The following SGK1 variants were observed in gnomAD, a reference collection of about 807,000 sequenced individuals.
SGK1 encodes serum/glucocorticoid regulated kinase 1.
A neutral mutation model predicts 64.2 loss-of-function variants in SGK1; 26 were observed. That is an observed-to-expected ratio of 0.40 (90% CI 0.30 to 0.56). The LOEUF (loss-of-function observed/expected upper bound fraction) is 0.56. Among genes scored for constraint, SGK1 ranks in the 20% least tolerant of loss-of-function variants. The pLI, the probability that SGK1 is intolerant of heterozygous loss-of-function variation, is 0.38. For synonymous variants in SGK1, 265 were observed against 239.7 expected, an observed-to-expected ratio of 1.11 and a Z score of -0.98; for missense variants, 519 against 645.6, an observed-to-expected ratio of 0.80 and a Z score of 2.12.
intron 1 of SGK1, among the ~76,000 whole-genome samples, chr6:134,303,705 G>C (rs765804232): frequency 1.3e-5 from 2 of 151,574 alleles, no homozygotes; most frequent in Non-Finnish European, 2.9e-5. Context: ...CATGACTTGA[G>C]CCAAGGAGGT....
At chr6:134,188,803 G>T (rs1168440591) in intron 3 of SGK1, among the ~76,000 whole-genome samples, 1 of 151,794 alleles carries the variant, frequency 6.6e-6, no homozygotes, top group African/African-American at 2.4e-5. Context: ...TGTGATCATG[G>T]CTCACTGCAG....
intron 11 of SGK1, 97 bp from the exon 12 acceptor site, chr6:134,171,275 G>A: frequency 1.7e-6 from 2 of 1,179,250 alleles, no homozygotes; most frequent in East Asian, 2.3e-5. Flanking sequence ...TAAATATTAG[G>A]CTCGATTTGA....
intron 1 of SGK1, among the ~76,000 whole-genome samples, chr6:134,313,546 C>T (rs1194369180): frequency 1.3e-5 from 2 of 151,250 alleles, no homozygotes; most frequent in African/African-American, 4.9e-5. Context: ...GAGAACTTAG[C>T]AAAAAGGAAA....
chr6:134,268,271 T>G (rs1776883921), intron 1 of SGK1, among the ~76,000 whole-genome samples: 1 of 152,172 alleles, frequency 6.6e-6, no homozygotes, highest in Non-Finnish European at 1.5e-5. Context: ...AGCAGCTGTG[T>G]GTGCGAGAAA....
intron 6 of SGK1, 27 bp downstream of exon 6, chr6:134,173,435 C>A (rs1186597409): frequency 2.5e-6 from 4 of 1,586,270 alleles, no homozygotes; most frequent in South Asian, 1.1e-5. Flanking sequence ...AGGAAGTGTA[C>A]CAAAAGATCT....
At position 134,312,972 on chromosome 6, in the gene SGK1, C is replaced by T. The variant is rs150300329; in HGVS notation, c.69+4420G>A. ...ATTTTTAGTAGAGACAGGGTTTCAC[C>T]ACGTTGGCCAGGTTGGTCTCGAACT... is the stretch of plus-strand genomic sequence containing the variant. On this transcript the variant is annotated intron_variant, in intron 1 of 13. Transcript: ENST00000367858. 8.5e-5 allele frequency among the ~76,000 whole-genome samples: 13 copies of T among 152,240 alleles called. No individual in the cohort carries two copies. In the East Asian group the frequency reaches 2.5e-3, roughly 29 times the overall value.
chr6:134,254,046 G>A (rs537769186), intron 2 of SGK1, among the ~76,000 whole-genome samples: 77 of 149,956 alleles, frequency 5.1e-4, no homozygotes, highest in African/African-American at 1.5e-3. Context: ...TGGAATGTGC[G>A]TGATTTACAG....
At chr6:134,200,415 C>T (rs1208044979) in intron 3 of SGK1, among the ~76,000 whole-genome samples, 5 of 152,120 alleles carry the variant, frequency 3.3e-5, no homozygotes, top group African/African-American at 1.2e-4. Flanking sequence ...CTACACATAG[C>T]AACTGAGCAC....
chr6:134,294,080 C>T (rs1053067887), intron 1 of SGK1, among the ~76,000 whole-genome samples: 2 of 152,130 alleles, frequency 1.3e-5, no homozygotes, highest in Non-Finnish European at 2.9e-5. Context: ...TAGCTCAGGT[C>T]CTGAGCAAAA....
chr6:134,290,887 T>C (rs991642680), intron 1 of SGK1, among the ~76,000 whole-genome samples: 1 of 152,178 alleles, frequency 6.6e-6, no homozygotes, highest in African/African-American at 2.4e-5. Context: ...TGGCCCATCA[T>C]TGTTTCTAGC....
intron 1 of SGK1, among the ~76,000 whole-genome samples, chr6:134,289,777 G>A (rs746050720): frequency 6.6e-6 from 1 of 151,902 alleles, no homozygotes; most frequent in Non-Finnish European, 1.5e-5. Flanking sequence ...AGGCTGAGGC[G>A]AGCGGATCAC....
At chr6:134,209,185 G>C (rs1162575431) in intron 2 of SGK1, among the ~76,000 whole-genome samples, 1 of 152,130 alleles carries the variant, frequency 6.6e-6, no homozygotes, top group East Asian at 1.9e-4. Context: ...TGTAATCCCA[G>C]CACTTTGGGA....
chr6:134,175,739 C>T (rs1156730859), intron 3 of SGK1: 2 of 1,367,278 alleles, frequency 1.5e-6, no homozygotes, highest in Non-Finnish European at 1.9e-6. Flanking sequence ...GCCGCCGTGA[C>T]TCAGGCCGGG....
intron 2 of SGK1, chr6:134,259,954 T>C (rs1376502980): frequency 6.6e-6 from 1 of 152,228 alleles, no homozygotes; most frequent in Non-Finnish European, 1.5e-5. Flanking sequence ...TTAGCTAATA[T>C]GTAAATCAGC....
chr6:134,175,672 C>A (rs1775212176), intron 3 of SGK1: 2 of 1,484,764 alleles, frequency 1.3e-6, no homozygotes, highest in East Asian at 5.4e-5. Context: ...GGGCAGCGGG[C>A]GGCGGGGCGC....
intron 1 of SGK1, among the ~76,000 whole-genome samples, chr6:134,302,790 T>C (rs1317632413): frequency 3.3e-5 from 5 of 152,110 alleles, no homozygotes; most frequent in Non-Finnish European, 7.4e-5. Flanking sequence ...AGTCTCACTC[T>C]GTCGCCCAGG....
chr6:134,213,396 C>T (rs1346036101), intron 2 of SGK1, among the ~76,000 whole-genome samples: 1 of 151,894 alleles, frequency 6.6e-6, no homozygotes, highest in Non-Finnish European at 1.5e-5. Context: ...TGGCGCACAC[C>T]TGTAATCCTA....
At chr6:134,175,013 G>C in intron 3 of SGK1, 1 of 1,066,566 alleles carries the variant, frequency 9.4e-7, no homozygotes, top group South Asian at 1.7e-5. Flanking sequence ...TGCCTGCGGC[G>C]GGCGGTTCTG....
intron 2 of SGK1, among the ~76,000 whole-genome samples, chr6:134,222,979 C>G (rs1351161108): frequency 6.6e-6 from 1 of 152,172 alleles, no homozygotes; most frequent in African/African-American, 2.4e-5. Context: ...AAACCAACTT[C>G]TGCCAAATGA....
Sources: gnomAD v4.1 joint callset for allele counts (sites outside exome capture counted in the v4.1 genomes callset) on GRCh38, gnomAD v4.1.1 for gene constraint, MANE v1.5 for transcripts, NCBI Gene and HGNC (gene_info 2026-07-23, HGNC 2026-07-21) for gene names.